NXPH1: variants seen among roughly 807,000 people sequenced by gnomAD.
NXPH1 encodes neurexophilin-1.
A neutral mutation model predicts 23.7 loss-of-function variants in NXPH1; 5 were observed. That is an observed-to-expected ratio of 0.21 (90% CI 0.11 to 0.44). The LOEUF (loss-of-function observed/expected upper bound fraction) is 0.44. NXPH1 is among the 20% of genes least tolerant of loss of function. The probability of loss-of-function intolerance (pLI) is 0.99; values close to 1 mark genes in which losing one functional copy is unlikely to be tolerated. For missense variants in NXPH1, 324 were observed against 321.6 expected, an observed-to-expected ratio of 1.01 and a Z score of -0.06; for synonymous variants, 144 against 122.2, an observed-to-expected ratio of 1.18 and a Z score of -1.18.
At chr7:8,610,281 C>G (rs149501218) in intron 2 of NXPH1, among the ~76,000 whole-genome samples, 126 of 152,250 alleles carry the variant, frequency 8.3e-4, no homozygotes, top group African/African-American at 2.8e-3. Flanking sequence ...CAAGCACTCT[C>G]CATAGCACAA....
At chr7:8,627,078 C>T (rs1358879267) in intron 2 of NXPH1, among the ~76,000 whole-genome samples, 1 of 152,088 alleles carries the variant, frequency 6.6e-6, no homozygotes, top group South Asian at 2.1e-4. Flanking sequence ...TTCTGCAGAT[C>T]ATTCCAATAC....
At chr7:8,630,730 T>C (rs986216196) in intron 2 of NXPH1, among the ~76,000 whole-genome samples, 4 of 152,186 alleles carry the variant, frequency 2.6e-5, no homozygotes, top group African/African-American at 7.2e-5. Context: ...TAATTTGACT[T>C]CACTTTATTG....
intron 2 of NXPH1, among the ~76,000 whole-genome samples, chr7:8,678,959 T>TTTTTG (rs1821006560): frequency 1.2e-5 from 1 of 83,000 alleles, no homozygotes; most frequent in Non-Finnish European, 2.5e-5. Flanking sequence ...TTTTTTTTTT[T>TTTTTG]TTTTGTTGAG....
chr7:8,634,694 T>C (rs796243428), intron 2 of NXPH1, among the ~76,000 whole-genome samples: 2 of 72,932 alleles, frequency 2.7e-5, no homozygotes, highest in African/African-American at 1.4e-4. Flanking sequence ...TTTTTTTTTT[T>C]TCCAAAGAGC....
At chr7:8,570,576 G>C (rs1263719621) in intron 2 of NXPH1, among the ~76,000 whole-genome samples, 1 of 151,920 alleles carries the variant, frequency 6.6e-6, no homozygotes, top group African/African-American at 2.4e-5. Context: ...TTGGGTGTTG[G>C]GGGTTTTTAC....
chr7:8,581,949 T>C (rs941703178), intron 2 of NXPH1, among the ~76,000 whole-genome samples: 3 of 152,102 alleles, frequency 2.0e-5, no homozygotes, highest in African/African-American at 7.2e-5. Flanking sequence ...CCAGCCCAGA[T>C]CCTATACCTG....
intron 2 of NXPH1, among the ~76,000 whole-genome samples, chr7:8,651,523 T>C (rs1400198200): frequency 3.3e-5 from 5 of 151,656 alleles, no homozygotes; most frequent in Non-Finnish European, 5.9e-5. Flanking sequence ...TATTTCTAGT[T>C]CTAGATCCCT....
At chr7:8,750,060 G>C (rs1398439415) in intron 2 of NXPH1, among the ~76,000 whole-genome samples, 5 of 152,186 alleles carry the variant, frequency 3.3e-5, no homozygotes, top group African/African-American at 1.2e-4. Flanking sequence ...ACCACATGTT[G>C]TTGGTTTCTC....
At chr7:8,562,100 C>T (rs540180121) in intron 2 of NXPH1, among the ~76,000 whole-genome samples, 6 of 151,662 alleles carry the variant, frequency 4.0e-5, no homozygotes, top group Non-Finnish European at 8.9e-5. Flanking sequence ...TGTAATGACC[C>T]TGTGAGGAAG....
At chr7:8,689,049 T>C (rs1213504731) in intron 2 of NXPH1, among the ~76,000 whole-genome samples, 1 of 152,202 alleles carries the variant, frequency 6.6e-6, no homozygotes, top group Non-Finnish European at 1.5e-5. Flanking sequence ...AAATGTTTGC[T>C]GACTGAGTAT....
At chr7:8,668,555 C>T (rs1820817997) in intron 2 of NXPH1, among the ~76,000 whole-genome samples, 1 of 152,034 alleles carries the variant, frequency 6.6e-6, no homozygotes, top group African/African-American at 2.4e-5. Context: ...TGATTGAGTC[C>T]ATGGGGGTGG....
chr7:8,644,407 A>T (rs544975290), intron 2 of NXPH1, among the ~76,000 whole-genome samples: 2 of 152,090 alleles, frequency 1.3e-5, no homozygotes, highest in South Asian at 4.1e-4. Context: ...CACCTTGGCA[A>T]TGGCTTTCTC....
Position 8,435,700 on chromosome 7 carries a change from T to C in NXPH1, c.-14T>C. The C allele has an allele frequency of 6.2e-7, 1 of 1,613,790 alleles. No homozygotes were observed. The highest frequency in any genetic ancestry group is 8.5e-7 in the Non-Finnish European group (1 of 1,179,706). On this transcript the variant is annotated 5_prime_UTR_variant, in exon 2 of 3. It removes the in-frame stop codon of an upstream open reading frame in the 5' UTR. Transcript: ENST00000405863. This position sits in a 1 kb window ranked among gnomAD's most constrained non-coding sequence, Gnocchi z 5.9. ...CAAAGAAGGCACCGCCAAGGAAGTTTGAGACGCGGGAGAATGCAGGCTGCG... is the reference window on the plus strand; with the variant it reads ...CAAAGAAGGCACCGCCAAGGAAGTTCGAGACGCGGGAGAATGCAGGCTGCG...
intron 2 of NXPH1, among the ~76,000 whole-genome samples, chr7:8,633,403 C>T (rs542502610): frequency 2.0e-5 from 3 of 152,292 alleles, no homozygotes; most frequent in Admixed American, 2.0e-4. Context: ...AGCCTAGAGA[C>T]AGAGCGAGAG....
At chr7:8,711,044 T>C (rs1451993395) in intron 2 of NXPH1, among the ~76,000 whole-genome samples, 1 of 152,202 alleles carries the variant, frequency 6.6e-6, no homozygotes, top group Non-Finnish European at 1.5e-5. Context: ...TATAGCTCTA[T>C]CCTCAGCAGT....
intron 2 of NXPH1, among the ~76,000 whole-genome samples, chr7:8,707,007 C>T (rs1562460521): frequency 6.6e-6 from 1 of 152,054 alleles, no homozygotes; most frequent in African/African-American, 2.4e-5. Context: ...CACAATATAT[C>T]CATGTAACAA....
chr7:8,631,791 C>G (rs1820134842), intron 2 of NXPH1, among the ~76,000 whole-genome samples: 1 of 151,258 alleles, frequency 6.6e-6, no homozygotes, highest in African/African-American at 2.4e-5. Context: ...CTATTCTATT[C>G]TTTAATTTCT....
chr7:8,460,104 A>G (rs1816667937), intron 2 of NXPH1, among the ~76,000 whole-genome samples: 2 of 152,148 alleles, frequency 1.3e-5, no homozygotes, highest in Admixed American at 6.5e-5. Flanking sequence ...AGCTCAATAA[A>G]TATTTAATTT....
intron 2 of NXPH1, among the ~76,000 whole-genome samples, chr7:8,734,285 T>C (rs1052791120): frequency 6.6e-6 from 1 of 152,224 alleles, no homozygotes; most frequent in Non-Finnish European, 1.5e-5. Flanking sequence ...ATCCTTGTAG[T>C]ATAGCTTGAA....
Sources: allele counts gnomAD v4.1 joint callset (sites outside exome capture counted in the v4.1 genomes callset), GRCh38; gene constraint gnomAD v4.1.1; non-coding constraint Gnocchi (gnomAD v3.1); transcripts MANE v1.5; gene names NCBI Gene and HGNC (gene_info 2026-07-23, HGNC 2026-07-21).